TAOK3: variants seen among roughly 807,000 people sequenced by gnomAD.
TAOK3 encodes serine/threonine-protein kinase TAO3.
TAOK3 carries 40 observed loss-of-function variants against 120.4 expected under a neutral mutation model. The ratio of observed to expected loss-of-function variants is 0.33; its 90% CI spans 0.26 to 0.43. The LOEUF is 0.43. Ranked by LOEUF, TAOK3 falls within the 20% of genes least tolerant of loss-of-function variation. TAOK3 has a pLI of 1.00. For synonymous variants in TAOK3, 355 were observed against 387.5 expected, an observed-to-expected ratio of 0.92 and a Z score of 0.99; for missense variants, 821 against 1,112.1, an observed-to-expected ratio of 0.74 and a Z score of 3.72.
At chr12:118,291,250 G>C (rs2042466955) in intron 1 of TAOK3, among the ~76,000 whole-genome samples, 1 of 151,170 alleles carries the variant, frequency 6.6e-6, no homozygotes, top group African/African-American at 2.4e-5. Context: ...TCTGCCTCCT[G>C]GGTTCAAGCA....
At chr12:118,369,308 C>T (rs964253835) in intron 1 of TAOK3, among the ~76,000 whole-genome samples, 1 of 152,162 alleles carries the variant, frequency 6.6e-6, no homozygotes, top group Non-Finnish European at 1.5e-5. Flanking sequence ...CACAGAATCC[C>T]TACCTACTCT....
chr12:118,195,608 C>T (rs1157941636), intron 13 of TAOK3, among the ~76,000 whole-genome samples: 1 of 152,098 alleles, frequency 6.6e-6, no homozygotes, highest in Non-Finnish European at 1.5e-5. Flanking sequence ...AAAAAGGTTC[C>T]TGAAGAACTA....
chr12:118,261,541 A>T (rs2041228685), intron 2 of TAOK3: 1 of 152,272 alleles, frequency 6.6e-6, no homozygotes, highest in Non-Finnish European at 1.5e-5. Flanking sequence ...CATGTCTGTA[A>T]TCCTAATGCT....
chr12:118,276,261 A>G (rs550857446), intron 1 of TAOK3, among the ~76,000 whole-genome samples: 1 of 152,302 alleles, frequency 6.6e-6, no homozygotes, highest in South Asian at 2.1e-4. Flanking sequence ...TAGAGGTAAT[A>G]AGAATTGGTT....
At chr12:118,207,722 G>A (rs1315017400) in intron 11 of TAOK3, among the ~76,000 whole-genome samples, 1 of 152,254 alleles carries the variant, frequency 6.6e-6, no homozygotes, top group East Asian at 1.9e-4. Flanking sequence ...AGACATGGTG[G>A]CGTGTGCCTG....
intron 1 of TAOK3, among the ~76,000 whole-genome samples, chr12:118,279,636 T>G (rs1386242348): frequency 6.7e-6 from 1 of 150,006 alleles, no homozygotes; most frequent in East Asian, 2.0e-4. Flanking sequence ...CAGGCTGGAG[T>G]GCAGTGGTAC....
At position 118,152,499 on chromosome 12, in the gene TAOK3, C is replaced by T. The variant is rs545747058; in HGVS notation, c.2353-90G>A. ...CTTGGTGACTACTGGAAGAGGTTTC[C>T]TCATTTGGATTGAAATTGGTTGCCC... On this transcript the variant is annotated intron_variant, in intron 19 of 20. Transcript: ENST00000392533. 46 of 1,349,398 alleles carry T rather than the reference C, an allele frequency of 3.4e-5. No homozygotes were observed. In the East Asian group the frequency reaches 9.8e-4, roughly 29 times the overall value. 83.6% of individuals were successfully genotyped at this position (1,349,398 alleles called of 1,614,324 possible).
intron 3 of TAOK3, among the ~76,000 whole-genome samples, chr12:118,251,131 T>C (rs1388055611): frequency 3.3e-5 from 5 of 152,180 alleles, no homozygotes; most frequent in Admixed American, 6.5e-5. Context: ...GATTTACATT[T>C]CTTTTTTCAA....
At chr12:118,180,831 G>C (rs2036668151) in intron 15 of TAOK3, among the ~76,000 whole-genome samples, 1 of 151,784 alleles carries the variant, frequency 6.6e-6, no homozygotes, top group South Asian at 2.1e-4. Context: ...CTGATACTCA[G>C]AATATACATA....
intron 1 of TAOK3, among the ~76,000 whole-genome samples, chr12:118,281,363 G>C (rs917843610): frequency 1.3e-5 from 2 of 152,180 alleles, no homozygotes; most frequent in African/African-American, 4.8e-5. Context: ...CACCTTTTAT[G>C]TGACACTGAC....
At chr12:118,300,063 C>A (rs1262594465) in intron 1 of TAOK3, among the ~76,000 whole-genome samples, 3 of 152,132 alleles carry the variant, frequency 2.0e-5, no homozygotes, top group African/African-American at 4.8e-5. Flanking sequence ...CACGAGGGTA[C>A]CAATTGCTTC....
At chr12:118,267,662 G>A (rs762064416) in intron 1 of TAOK3, among the ~76,000 whole-genome samples, 17 of 150,890 alleles carry the variant, frequency 1.1e-4, no homozygotes, top group East Asian at 2.0e-4. Flanking sequence ...CAAGGCAGGC[G>A]GATCACTAGG....
chr12:118,244,356 T>C (rs1363197802), intron 4 of TAOK3, among the ~76,000 whole-genome samples: 1 of 151,864 alleles, frequency 6.6e-6, no homozygotes, highest in Non-Finnish European at 1.5e-5. Context: ...AGCCACCTCA[T>C]CCAGCCTGCA....
chr12:118,210,973 C>G (rs1291494876), intron 11 of TAOK3, among the ~76,000 whole-genome samples: 4 of 152,040 alleles, frequency 2.6e-5, no homozygotes, highest in African/African-American at 4.8e-5. Context: ...TGGTGACCTC[C>G]TGATCCTCCC....
At chr12:118,199,371 T>C in intron 12 of TAOK3, 114 bp from the exon 13 acceptor site, 1 of 785,480 alleles carries the variant, frequency 1.3e-6, no homozygotes, top group East Asian at 2.7e-5. Flanking sequence ...TTTCTGCCAA[T>C]CTGCAAAGAC....
At chr12:118,315,178 G>C (rs1410706087) in intron 1 of TAOK3, among the ~76,000 whole-genome samples, 1 of 152,138 alleles carries the variant, frequency 6.6e-6, no homozygotes, top group Non-Finnish European at 1.5e-5. Context: ...GCCCGCCTTG[G>C]ACTCCCAAAG....
chr12:118,338,284 T>C (rs1204421146), intron 1 of TAOK3, among the ~76,000 whole-genome samples: 1 of 152,166 alleles, frequency 6.6e-6, no homozygotes, highest in Non-Finnish European at 1.5e-5. Context: ...ATGGATGTTT[T>C]TGTGATTCTT....
intron 9 of TAOK3, 130 bp from the exon 10 acceptor site, chr12:118,214,240 CT>C: frequency 1.5e-6 from 1 of 678,656 alleles, no homozygotes. Context: ...ACATAATCCA[CT>C]TATTTTAATC....
chr12:118,152,545 T>G (rs2034524798), intron 19 of TAOK3, 136 bp from the exon 20 acceptor site: 1 of 770,592 alleles, frequency 1.3e-6, no homozygotes, highest in Non-Finnish European at 2.1e-6. Flanking sequence ...ACAGATGCTC[T>G]GGGTACATTC....
Sources: allele counts gnomAD v4.1 joint callset (sites outside exome capture counted in the v4.1 genomes callset), GRCh38; gene constraint gnomAD v4.1.1; transcripts MANE v1.5; gene names NCBI Gene and HGNC (gene_info 2026-07-23, HGNC 2026-07-21).